The following RGS10 variants were observed in gnomAD, a reference collection of about 807,000 sequenced individuals.
RGS10 encodes the protein regulator of G protein signaling 10.
In RGS10, 11 loss-of-function variants were observed where a neutral mutation model predicts 23.5. That is an observed-to-expected ratio of 0.47 (90% CI 0.29 to 0.77). RGS10 has a LOEUF of 0.77. RGS10 is among the 30% of genes least tolerant of loss of function. The probability of loss-of-function intolerance (pLI) is 0.08; values close to 1 mark genes in which losing one functional copy is unlikely to be tolerated. For missense variants in RGS10, 180 were observed against 226.3 expected (o/e 0.80, Z 1.31); for synonymous variants, 77 against 83.2 (o/e 0.92, Z 0.41).
At chr10:119,532,593 G>C (rs957387713) in intron 1 of RGS10, among the ~76,000 whole-genome samples, 3 of 152,118 alleles carry the variant, frequency 2.0e-5, no homozygotes, top group African/African-American at 7.2e-5. Flanking sequence ...ACTCACACCA[G>C]CACTTTGGGA....
intron 1 of RGS10, among the ~76,000 whole-genome samples, chr10:119,534,392 A>C (rs1431346812): frequency 2.0e-5 from 3 of 151,124 alleles, no homozygotes; most frequent in Admixed American, 6.6e-5. Context: ...GGAGTTCAAG[A>C]CCAGCCTGAA....
At chr10:119,534,691 C>T (rs1268545117) in intron 1 of RGS10, among the ~76,000 whole-genome samples, 1 of 150,074 alleles carries the variant, frequency 6.7e-6, no homozygotes, top group African/African-American at 2.5e-5. Context: ...GAGATCGAAA[C>T]CATCCTAGCC....
At chr10:119,535,084 C>T (rs985006481) in intron 1 of RGS10, among the ~76,000 whole-genome samples, 30 of 152,148 alleles carry the variant, frequency 2.0e-4, no homozygotes, top group African/African-American at 5.5e-4. Flanking sequence ...TGGGAAATCA[C>T]GGCCCAAACC....
intron 1 of RGS10, among the ~76,000 whole-genome samples, chr10:119,530,597 G>A (rs572130234): frequency 1.3e-5 from 2 of 152,344 alleles, no homozygotes; most frequent in East Asian, 3.9e-4. Context: ...GGCCCAGGTG[G>A]GCAGATCACT....
At chr10:119,542,012 C>A (rs1844439041) in intron 1 of RGS10, among the ~76,000 whole-genome samples, 1 of 152,240 alleles carries the variant, frequency 6.6e-6, no homozygotes, top group African/African-American at 2.4e-5. Context: ...CAAGGCGAAT[C>A]CTTCGTAACG....
intron 1 of RGS10, among the ~76,000 whole-genome samples, chr10:119,534,437 A>C (rs1274450258): frequency 2.7e-5 from 4 of 150,280 alleles, no homozygotes; most frequent in African/African-American, 9.8e-5. Flanking sequence ...CTAAAATTAC[A>C]AAAATTAGCC....
chr10:119,541,356 G>T (rs1028148175), intron 1 of RGS10, among the ~76,000 whole-genome samples: 8 of 152,306 alleles, frequency 5.3e-5, no homozygotes, highest in Admixed American at 4.6e-4. Flanking sequence ...GGGCAACAAT[G>T]TAAGATCATT....
At chr10:119,512,134 T>C (rs1399539972) in intron 4 of RGS10, among the ~76,000 whole-genome samples, 2 of 134,234 alleles carry the variant, frequency 1.5e-5, no homozygotes, top group Non-Finnish European at 3.2e-5. Flanking sequence ...CCGCACGTGG[T>C]GATGAGGGGC....
At chr10:119,505,463 G>A (rs1318132826) in intron 4 of RGS10, among the ~76,000 whole-genome samples, 1 of 151,874 alleles carries the variant, frequency 6.6e-6, no homozygotes, top group Non-Finnish European at 1.5e-5. Context: ...AATCCTACAG[G>A]CTGCTGGAAG....
intron 3 of RGS10, among the ~76,000 whole-genome samples, chr10:119,525,432 C>A (rs1844263287): frequency 6.6e-6 from 1 of 152,178 alleles, no homozygotes; most frequent in Non-Finnish European, 1.5e-5. Context: ...TAGCCAGCAG[C>A]CTCTTAGAAA....
At chr10:119,523,868 C>G (rs1844245312) in intron 3 of RGS10, among the ~76,000 whole-genome samples, 1 of 152,174 alleles carries the variant, frequency 6.6e-6, no homozygotes, top group Non-Finnish European at 1.5e-5. Context: ...AGGGGCTTTC[C>G]CAGCCCTGCT....
intron 2 of RGS10, among the ~76,000 whole-genome samples, chr10:119,526,789 T>C (rs1413186164): frequency 6.6e-6 from 1 of 152,004 alleles, no homozygotes; most frequent in East Asian, 1.9e-4. Context: ...TTCTTGAAAT[T>C]CACATATGGT....
At chr10:119,502,418 C>T (rs1248786785) in intron 4 of RGS10, among the ~76,000 whole-genome samples, 1 of 152,208 alleles carries the variant, frequency 6.6e-6, no homozygotes, top group Non-Finnish European at 1.5e-5. Context: ...TACCCACTCC[C>T]ACCCCAGGTC....
rs1340448968 is a variant in RGS10, at chr10:119,519,610, T to C, written c.256-3958A>G. Among the ~76,000 whole-genome samples, 2 of 104,038 alleles carry C rather than the reference T, an allele frequency of 1.9e-5. 1 individual carries two copies. The highest frequency in any genetic ancestry group is 5.7e-4 in the East Asian group (2 of 3,526). The allele number at this position is 104,038 out of a possible 152,430, so 68.3% of individuals were successfully genotyped here. A position where few individuals can be genotyped will look rare whatever the true frequency, so the allele number is the denominator to read the frequency against. On this transcript the variant is annotated intron_variant, in intron 3 of 4. Transcript: ENST00000369103. ...GTCTCCCTATCTGTCCCCCAGCTCCTGTCTCCCTGTATCTGTCTCCCAGCT... is the reference window on the plus strand; with the variant it reads ...GTCTCCCTATCTGTCCCCCAGCTCCCGTCTCCCTGTATCTGTCTCCCAGCT...
At chr10:119,536,863 C>G (rs1181195192) in intron 1 of RGS10, among the ~76,000 whole-genome samples, 1 of 152,194 alleles carries the variant, frequency 6.6e-6, no homozygotes, top group Non-Finnish European at 1.5e-5. Context: ...CACCCTCCTA[C>G]TCTGCCTCAA....
chr10:119,533,681 A>G (rs570832675), intron 1 of RGS10, among the ~76,000 whole-genome samples: 1 of 152,232 alleles, frequency 6.6e-6, no homozygotes, highest in Admixed American at 6.5e-5. Context: ...AATGTCAGGC[A>G]TGTTCTCCAG....
intron 1 of RGS10, among the ~76,000 whole-genome samples, chr10:119,530,023 C>T (rs551407319): frequency 6.6e-6 from 1 of 152,248 alleles, no homozygotes; most frequent in Non-Finnish European, 1.5e-5. Context: ...ACCCGGGAGG[C>T]GGAGGTTGCA....
rs1844263738 is a variant in RGS10, at chr10:119,525,493, C to T, written c.255+539G>A. Among the ~76,000 whole-genome samples, 3 of 152,200 alleles carry T rather than the reference C, an allele frequency of 2.0e-5. No individual in the cohort carries two copies. In the South Asian group the frequency reaches 6.2e-4, roughly 32 times the overall value. ...CACCCAGGGCACAGGCCTCCTTCCCCATAATCTCATCTACCCTCCCTCATA... is the reference window on the plus strand; with the variant it reads ...CACCCAGGGCACAGGCCTCCTTCCCTATAATCTCATCTACCCTCCCTCATA... On this transcript the variant is annotated intron_variant, in intron 3 of 4. Coordinates refer to ENST00000369103, the MANE Select transcript of RGS10 (RefSeq NM_001005339.2).
chr10:119,504,760 C>T (rs773322857), intron 4 of RGS10, among the ~76,000 whole-genome samples: 8 of 152,212 alleles, frequency 5.3e-5, no homozygotes, highest in Non-Finnish European at 7.4e-5. Flanking sequence ...GATGCAGCCA[C>T]GTGCCAAGGA....
Sources: gnomAD v4.1 joint callset for allele counts (sites outside exome capture counted in the v4.1 genomes callset) on GRCh38, gnomAD v4.1.1 for gene constraint, MANE v1.5 for transcripts, NCBI Gene and HGNC (gene_info 2026-07-23, HGNC 2026-07-21) for gene names.